PTPRD: variants seen among roughly 807,000 people sequenced by gnomAD.
The protein encoded by PTPRD is protein tyrosine phosphatase receptor type D, also known as receptor-type tyrosine-protein phosphatase delta.
In PTPRD, 34 loss-of-function variants were observed where a neutral mutation model predicts 214.5. The observed-to-expected ratio is 0.16, with a 90% CI of 0.12 to 0.21. PTPRD has a LOEUF of 0.21. Among genes scored for constraint, PTPRD ranks in the 10% least tolerant of loss-of-function variants. The pLI is 1.00. For synonymous variants in PTPRD, 1,128 were observed against 845.7 expected (o/e 1.33, Z -5.79); for missense variants, 2,545 against 2,398.7 (o/e 1.06, Z -1.27).
intron 35 of PTPRD, among the ~76,000 whole-genome samples, chr9:8,424,646 T>C (rs1305864383): frequency 7.1e-6 from 1 of 141,462 alleles, no homozygotes; most frequent in Non-Finnish European, 1.5e-5. Flanking sequence ...GATATAAAAA[T>C]ACTCTGTTAA....
rs572776053 is a variant in PTPRD, at chr9:9,745,856, C to T, written c.-325-11285G>A. Among the ~76,000 whole-genome samples the T allele has an allele frequency of 2.6e-5, 4 of 152,192 alleles. No homozygotes were observed. The South Asian group carries it at 8.3e-4, about 32-fold the overall frequency. ...GGTAGCTAAATGCTAGAATAGCTCTCCCAGTTGTTGTCTCTAGAACAAGAG... is the reference window on the plus strand; with the variant it reads ...GGTAGCTAAATGCTAGAATAGCTCTTCCAGTTGTTGTCTCTAGAACAAGAG... On this transcript the variant is annotated intron_variant, in intron 6 of 45. Coordinates refer to ENST00000381196, the MANE Select transcript of PTPRD (RefSeq NM_002839.4).
chr9:8,669,466 G>C (rs1178822787), intron 12 of PTPRD, among the ~76,000 whole-genome samples: 2 of 152,070 alleles, frequency 1.3e-5, no homozygotes, highest in African/African-American at 2.4e-5. Flanking sequence ...GAAGGATGTG[G>C]GAAATCCCAT....
intron 4 of PTPRD, among the ~76,000 whole-genome samples, chr9:10,008,340 A>G (rs192693100): frequency 1.6e-4 from 25 of 152,042 alleles, no homozygotes; most frequent in South Asian, 4.1e-4. Context: ...ACCACATTCA[A>G]CCAGCATTCC....
chr9:8,738,581 G>C (rs1428425300), intron 11 of PTPRD, among the ~76,000 whole-genome samples: 2 of 151,662 alleles, frequency 1.3e-5, no homozygotes, highest in African/African-American at 4.8e-5. Flanking sequence ...AAGATGATGA[G>C]GTGCCTATCA....
At chr9:9,920,725 C>T (rs1245532892) in intron 5 of PTPRD, among the ~76,000 whole-genome samples, 4 of 152,080 alleles carry the variant, frequency 2.6e-5, no homozygotes, top group Admixed American at 6.6e-5. Flanking sequence ...GGGCTATAGC[C>T]TGTCGATAAC....
At chr9:8,647,423 C>T (rs1164271487) in intron 12 of PTPRD, among the ~76,000 whole-genome samples, 1 of 152,052 alleles carries the variant, frequency 6.6e-6, no homozygotes, top group Non-Finnish European at 1.5e-5. Context: ...TATATCGTAC[C>T]ATTATTTTGT....
At chr9:9,624,294 T>C (rs910015862) in intron 7 of PTPRD, among the ~76,000 whole-genome samples, 1 of 152,044 alleles carries the variant, frequency 6.6e-6, no homozygotes, top group Non-Finnish European at 1.5e-5. Flanking sequence ...TGTTTGTTTG[T>C]TTGTTTTTGA....
chr9:8,865,949 A>G lies in PTPRD; in HGVS notation c.-103-132003T>C, dbSNP rs538561734. Among the ~76,000 whole-genome samples, 4 of 152,318 alleles carry G rather than the reference A, an allele frequency of 2.6e-5. No homozygotes were observed. The East Asian group carries it at 7.7e-4, about 29-fold the overall frequency. ...TGATTATAAAGTTTCATGCTTTCCT[A>G]CAAGAAGTCAAAAGAATTTGATCAG... On this transcript the variant is annotated intron_variant, in intron 11 of 45. Coordinates refer to ENST00000381196, the MANE Select transcript of PTPRD (RefSeq NM_002839.4).
At chr9:9,364,091 C>T (rs987040389) in intron 9 of PTPRD, among the ~76,000 whole-genome samples, 5 of 151,272 alleles carry the variant, frequency 3.3e-5, no homozygotes, top group South Asian at 2.1e-4. Flanking sequence ...TTTCATGTGC[C>T]GATCTTCAGA....
intron 3 of PTPRD, among the ~76,000 whole-genome samples, chr9:10,123,198 T>C (rs1049270219): frequency 6.6e-6 from 1 of 152,216 alleles, no homozygotes; most frequent in Admixed American, 6.5e-5. Flanking sequence ...ACACAGTGAA[T>C]TGAAGCTACA....
intron 12 of PTPRD, among the ~76,000 whole-genome samples, chr9:8,675,015 T>C (rs1046264101): frequency 6.6e-6 from 1 of 152,176 alleles, no homozygotes; most frequent in African/African-American, 2.4e-5. Context: ...TTTTTTTTCC[T>C]TTTAAGTTTT....
chr9:8,510,665 G>A (rs1212702407), intron 21 of PTPRD, among the ~76,000 whole-genome samples: 1 of 152,100 alleles, frequency 6.6e-6, no homozygotes, highest in African/African-American at 2.4e-5. Context: ...ATGATCTCAG[G>A]CTCCAGGCTC....
At chr9:8,561,712 T>C (rs746488750) in intron 14 of PTPRD, among the ~76,000 whole-genome samples, 2 of 151,792 alleles carry the variant, frequency 1.3e-5, no homozygotes, top group South Asian at 4.1e-4. Context: ...ATTTCAAGAA[T>C]TCATTATTTT....
intron 11 of PTPRD, among the ~76,000 whole-genome samples, chr9:8,968,576 G>A (rs369166741): frequency 2.9e-4 from 44 of 152,030 alleles, no homozygotes; most frequent in African/African-American, 1.1e-3. Flanking sequence ...ACCTCATTCA[G>A]TTCTTACCAT....
Position 8,718,271 on chromosome 9 carries a change from G to A in PTPRD, c.64+15509C>T, listed in dbSNP as rs555645034. Among the ~76,000 whole-genome samples the A allele has an allele frequency of 2.6e-5, 4 of 152,282 alleles. 1 individual carries two copies. The highest frequency in any genetic ancestry group is 9.6e-5 in the African/African-American group (4 of 41,578). Reference sequence around the variant, plus strand: ...ATTTAAGCCAATTATTCCCTGCCCAGTAGGGGTGTCAGATTCATTTGTTAA... The same window carrying A: ...ATTTAAGCCAATTATTCCCTGCCCAATAGGGGTGTCAGATTCATTTGTTAA... On this transcript the variant is annotated intron_variant, in intron 12 of 45. Transcript: ENST00000381196.
chr9:8,981,712 T>C (rs969421900), intron 11 of PTPRD, among the ~76,000 whole-genome samples: 4 of 152,046 alleles, frequency 2.6e-5, no homozygotes, highest in Non-Finnish European at 4.4e-5. Flanking sequence ...CTCCTCCTTA[T>C]AGGATTTTTT....
chr9:8,845,985 C>T (rs1395594791), intron 11 of PTPRD, among the ~76,000 whole-genome samples: 1 of 152,166 alleles, frequency 6.6e-6, no homozygotes, highest in Non-Finnish European at 1.5e-5. Flanking sequence ...TATAATCATG[C>T]CAGGCAATTG....
At position 10,078,348 on chromosome 9, in the gene PTPRD, C is replaced by CAA. The variant is rs35499698; in HGVS notation, c.-544-44560_-544-44559dup. On this transcript the variant is annotated intron_variant, in intron 3 of 45. Transcript: ENST00000381196. ...CAACATGGTGAAACCCCATCTCTTC[C>CAA]AAAAAAAAAAAAAAAAAATTAGCTG... 1.0e-4 allele frequency among the ~76,000 whole-genome samples: 12 copies of CAA among 119,934 alleles called. No homozygotes were observed. In the East Asian group the frequency reaches 1.5e-3, roughly 15 times the overall value. 78.7% of individuals were successfully genotyped at this position (119,934 alleles called of 152,430 possible).
chr9:10,186,293 A>T (rs2154314626), intron 3 of PTPRD, among the ~76,000 whole-genome samples: 1 of 152,226 alleles, frequency 6.6e-6, no homozygotes, highest in East Asian at 1.9e-4. Context: ...TTGTAAATTT[A>T]AATTTATATG....
Sources: gnomAD v4.1 joint callset for allele counts (sites outside exome capture counted in the v4.1 genomes callset) on GRCh38, gnomAD v4.1.1 for gene constraint, MANE v1.5 for transcripts, NCBI Gene and HGNC (gene_info 2026-07-23, HGNC 2026-07-21) for gene names.